Variants in C13orf46 observed in about 807,000 individuals in gnomAD.
C13orf46 encodes the protein chromosome 13 open reading frame 46, also known as uncharacterized protein C13orf46.
chr13:113,938,611 C>A, the C13orf46 span, among the ~76,000 whole-genome samples: 1 of 152,350 alleles, frequency 6.6e-6, no homozygotes, highest in South Asian at 2.1e-4. Flanking sequence ...GATTCCTAAC[C>A]TAGTTCCCCC....
rs1446790253 is a variant in C13orf46 at position 113,955,908 on chromosome 13, A to G, written c.*865T>C. 0.38 allele frequency: 45,770 copies of G among 119,732 alleles called. 8,137 individuals carry two copies. The highest frequency in any genetic ancestry group is 0.53 in the East Asian group (2,129 of 3,980). The allele number at this position is 119,732 out of a possible 1,614,324, so 7.4% of individuals were successfully genotyped here. On this transcript the variant is annotated 3_prime_UTR_variant, in exon 7 of 7. Coordinates refer to ENST00000636427, the MANE Select transcript of C13orf46 (RefSeq NM_001365455.2). Reference sequence around the variant, plus strand: ...CCGGTGGAGAGGAGGAGCATCTCGCAGAGAGGAGGAGCATCTCGCGGAGAC... The same window carrying G: ...CCGGTGGAGAGGAGGAGCATCTCGCGGAGAGGAGGAGCATCTCGCGGAGAC...
chr13:113,965,956 ATGG>A (rs1317696811), intron 5 of C13orf46, among the ~76,000 whole-genome samples: 3 of 144,684 alleles, frequency 2.1e-5, no homozygotes, highest in East Asian at 2.0e-4. Context: ...GATGATGGTG[ATGG>A]TGATTATAAT....
At chr13:113,973,280 C>T (rs543642417) in intron 1 of C13orf46, among the ~76,000 whole-genome samples, 2 of 152,162 alleles carry the variant, frequency 1.3e-5, no homozygotes, top group South Asian at 2.1e-4. Flanking sequence ...TGGGAATGCA[C>T]GTGGACAGCT....
intron 1 of C13orf46, among the ~76,000 whole-genome samples, chr13:113,972,239 ATTCTT>A: frequency 6.6e-6 from 1 of 152,334 alleles, no homozygotes; most frequent in African/African-American, 2.4e-5. Flanking sequence ...GGCGTAACTT[ATTCTT>A]TTGAGAACTT....
the C13orf46 span, chr13:113,927,370 G>C: frequency 2.5e-6 from 1 of 394,468 alleles, no homozygotes; most frequent in Non-Finnish European, 4.5e-6. Context: ...CTGCAGCTGG[G>C]GCTGCTCTGG....
chr13:113,967,517 A>T (rs2052661881), intron 4 of C13orf46, 129 bp from the exon 5 acceptor site: 1 of 152,276 alleles, frequency 6.6e-6, no homozygotes, highest in Non-Finnish European at 1.5e-5. Context: ...GATGACCATC[A>T]GGTCCCCAGA....
the C13orf46 span, among the ~76,000 whole-genome samples, chr13:113,942,934 G>A: frequency 8.5e-5 from 13 of 152,182 alleles, no homozygotes; most frequent in Admixed American, 2.0e-4. Context: ...TGCCCCTCAC[G>A]AGCACTGCAG....
At chr13:113,936,953 G>T in the C13orf46 span, among the ~76,000 whole-genome samples, 4 of 152,158 alleles carry the variant, frequency 2.6e-5, no homozygotes, top group African/African-American at 9.7e-5. Context: ...GTAATCCTTT[G>T]TGTCTCCATT....
At chr13:113,960,905 AATATTTT>A (rs1285718001) in intron 6 of C13orf46, among the ~76,000 whole-genome samples, 1 of 152,230 alleles carries the variant, frequency 6.6e-6, no homozygotes, top group African/African-American at 2.4e-5. Flanking sequence ...TTAAAAACCA[AATATTTT>A]ATATTTTATC....
At chr13:113,945,668 G>GAAAGAA in the C13orf46 span, among the ~76,000 whole-genome samples, 1 of 133,600 alleles carries the variant, frequency 7.5e-6, no homozygotes, top group African/African-American at 2.8e-5. Flanking sequence ...AAGAAAGAAA[G>GAAAGAA]AAAGGAAAGA....
the C13orf46 span, among the ~76,000 whole-genome samples, chr13:113,938,981 C>A: frequency 1.3e-5 from 2 of 152,108 alleles, no homozygotes; most frequent in Non-Finnish European, 1.5e-5. Flanking sequence ...GCCACCCCCA[C>A]CCCAGGCCCA....
chr13:113,931,670 C>A, the C13orf46 span, among the ~76,000 whole-genome samples: 1 of 152,214 alleles, frequency 6.6e-6, no homozygotes. Context: ...CTTAAATACA[C>A]CAAAAGTGAG....
chr13:113,927,284 C>A, the C13orf46 span: 1 of 360,068 alleles, frequency 2.8e-6, no homozygotes, highest in Non-Finnish European at 5.0e-6. Context: ...GGTATGGGGA[C>A]CTTCATATGT....
chr13:113,934,060 C>T, the C13orf46 span, among the ~76,000 whole-genome samples: 6 of 152,114 alleles, frequency 3.9e-5, no homozygotes, highest in Admixed American at 3.3e-4. Flanking sequence ...GTGTGCCCCG[C>T]GGGGCCCTTC....
In C13orf46 at chr13:113,954,812, G is replaced by A. The variant is rs954688174; in HGVS notation, c.*1961C>T. 12 of 196,414 alleles carry A rather than the reference G, an allele frequency of 6.1e-5. 1 individual carries two copies. Among genetic ancestry groups the A allele is most frequent in the Non-Finnish European group, 1.0e-4 (10 of 97,914 alleles). 12.2% of individuals were successfully genotyped at this position (196,414 alleles called of 1,614,324 possible). Reference sequence around the variant, plus strand: ...GAGACGAGGAGCAGCTGGTGGAGACGAGGAGCATCCGGTGGAGATGAGGAG... The same window carrying A: ...GAGACGAGGAGCAGCTGGTGGAGACAAGGAGCATCCGGTGGAGATGAGGAG... On this transcript the variant is annotated 3_prime_UTR_variant, in exon 7 of 7. Coordinates refer to ENST00000636427, the MANE Select transcript of C13orf46 (RefSeq NM_001365455.2).
intron 5 of C13orf46, among the ~76,000 whole-genome samples, chr13:113,965,746 G>GA (rs2052631407): frequency 6.9e-6 from 1 of 145,420 alleles, no homozygotes; most frequent in Non-Finnish European, 1.5e-5. Context: ...GGTGATGATG[G>GA]TGATGATGGT....
the C13orf46 span, among the ~76,000 whole-genome samples, chr13:113,929,802 G>A: frequency 9.8e-5 from 15 of 152,308 alleles, no homozygotes; most frequent in Admixed American, 3.3e-4. Flanking sequence ...GGAGCATCCC[G>A]TGAGTTCATC....
intron 5 of C13orf46, among the ~76,000 whole-genome samples, chr13:113,966,937 G>A (rs1347235268): frequency 6.6e-6 from 1 of 152,118 alleles, no homozygotes. Flanking sequence ...GCACAGGGAA[G>A]TATGATGAGT....
the C13orf46 span, among the ~76,000 whole-genome samples, chr13:113,941,936 G>A: frequency 5.9e-5 from 9 of 152,236 alleles, no homozygotes; most frequent in Non-Finnish European, 8.8e-5. Flanking sequence ...CCTTGCCGGC[G>A]GCTGACTCAT....
Sources: gnomAD v4.1 joint callset for allele counts (sites outside exome capture counted in the v4.1 genomes callset) on GRCh38, gnomAD v4.1.1 for gene constraint, MANE v1.5 for transcripts, NCBI Gene and HGNC (gene_info 2026-07-23, HGNC 2026-07-21) for gene names.